The following PDZRN4 variants were observed in gnomAD, a reference collection of about 807,000 sequenced individuals.
The protein encoded by PDZRN4 is PDZ domain-containing RING finger protein 4.
A neutral mutation model predicts 99.0 loss-of-function variants in PDZRN4; 70 were observed. The observed-to-expected ratio is 0.71, with a 90% confidence interval of 0.58 to 0.86. PDZRN4 has a LOEUF of 0.86. PDZRN4 is among the 40% of genes least tolerant of loss of function. PDZRN4 has a pLI of 0.00. For missense variants in PDZRN4, 1,474 were observed against 1,331.2 expected (o/e 1.11, Z -1.67); for synonymous variants, 551 against 501.6 (o/e 1.10, Z -1.32).
chr12:41,559,184 T>TACACAC (rs10557714), intron 7 of PDZRN4, among the ~76,000 whole-genome samples: 3 of 150,012 alleles, frequency 2.0e-5, no homozygotes, highest in African/African-American at 2.5e-5. Flanking sequence ...CACACATACA[T>TACACAC]ACACACACAC....
intron 3 of PDZRN4, among the ~76,000 whole-genome samples, chr12:41,445,441 A>C (rs1025732538): frequency 1.3e-5 from 2 of 152,100 alleles, no homozygotes; most frequent in African/African-American, 2.4e-5. Context: ...ATTAAGAATA[A>C]AGATTAATTG....
chr12:41,192,799 A>T (rs905155532), intron 2 of PDZRN4, among the ~76,000 whole-genome samples: 20 of 152,228 alleles, frequency 1.3e-4, no homozygotes, highest in Non-Finnish European at 4.4e-5. Context: ...CATGAATAAT[A>T]TTCTTCATGT....
intron 3 of PDZRN4, among the ~76,000 whole-genome samples, chr12:41,443,728 G>T (rs1385729805): frequency 1.3e-5 from 2 of 152,066 alleles, no homozygotes; most frequent in Non-Finnish European, 2.9e-5. Flanking sequence ...ATAGGTATGT[G>T]GCTCTTGAGA....
At chr12:41,197,600 A>G (rs1169929283) in intron 3 of PDZRN4, among the ~76,000 whole-genome samples, 1 of 152,228 alleles carries the variant, frequency 6.6e-6, no homozygotes, top group African/African-American at 2.4e-5. Context: ...CTGAAAAGGC[A>G]GAAGATATTG....
rs373646033 is a variant in PDZRN4, at chr12:41,476,912, C to G, written c.844-29544C>G. ...TATCAGTCAAGCCAAGCTTCCTCCC[C>G]TCTTCCTCACGCTTGCATTTGTGTT... On this transcript the variant is annotated intron_variant, in intron 3 of 9. Coordinates refer to ENST00000402685, the MANE Select transcript of PDZRN4 (RefSeq NM_001164595.2). Among the ~76,000 whole-genome samples the G allele has an allele frequency of 2.0e-5, 3 of 152,340 alleles. No homozygotes were observed. In the East Asian group the frequency reaches 5.8e-4, roughly 29 times the overall value.
At chr12:41,317,570 GT>G (rs973099833) in intron 3 of PDZRN4, among the ~76,000 whole-genome samples, 7 of 152,032 alleles carry the variant, frequency 4.6e-5, no homozygotes, top group Non-Finnish European at 8.8e-5. Flanking sequence ...TCGTGAGATT[GT>G]TTTTTTCCTT....
chr12:41,547,105 C>G (rs1287133055), intron 5 of PDZRN4, among the ~76,000 whole-genome samples: 1 of 152,178 alleles, frequency 6.6e-6, no homozygotes, highest in Non-Finnish European at 1.5e-5. Flanking sequence ...CCACATGACA[C>G]TAACAAATAG....
At chr12:41,227,407 G>A (rs1951001866) in intron 3 of PDZRN4, among the ~76,000 whole-genome samples, 1 of 152,146 alleles carries the variant, frequency 6.6e-6, no homozygotes, top group South Asian at 2.1e-4. Flanking sequence ...GCTCACACCT[G>A]TAATTCCAGC....
At chr12:41,364,756 A>C (rs1270045621) in intron 3 of PDZRN4, among the ~76,000 whole-genome samples, 3 of 152,072 alleles carry the variant, frequency 2.0e-5, no homozygotes, top group East Asian at 1.9e-4. Flanking sequence ...GCCTTTGGGA[A>C]GGGGGAATAT....
intron 3 of PDZRN4, among the ~76,000 whole-genome samples, chr12:41,228,114 G>A (rs1200049111): frequency 6.6e-6 from 1 of 152,134 alleles, no homozygotes; most frequent in African/African-American, 2.4e-5. Context: ...GAATGGAAGT[G>A]ATATGGAGCC....
intron 3 of PDZRN4, among the ~76,000 whole-genome samples, chr12:41,393,532 T>G (rs1306749763): frequency 6.6e-6 from 1 of 152,138 alleles, no homozygotes; most frequent in Non-Finnish European, 1.5e-5. Context: ...TAGCTTTTCT[T>G]ATTATGCATT....
chr12:41,188,840 G>T lies in PDZRN4; in HGVS notation c.385G>T (p.Ala129Ser). Residue 129 changes from alanine to serine, a missense_variant, in exon 1 of 10, where the codon GCG (alanine) becomes TCG (serine). Transcript: ENST00000402685. ...ASGLGGGEVP[A>S]RGGCGPTPRA... ...GGGGCTGGGCGGTGGTGAGGTGCCC[G>T]CGCGGGGGGGCTGCGGTCCGACACC... 1 of 1,270,210 alleles carries T rather than the reference G, an allele frequency of 7.9e-7. No individual in the cohort carries two copies. Among genetic ancestry groups the T allele is most frequent in the Non-Finnish European group, 9.9e-7 (1 of 1,009,412 alleles). 78.7% of individuals were successfully genotyped at this position (1,270,210 alleles called of 1,614,324 possible).
chr12:41,536,726 A>C (rs1938753999), intron 5 of PDZRN4, among the ~76,000 whole-genome samples: 1 of 152,004 alleles, frequency 6.6e-6, no homozygotes, highest in African/African-American at 2.4e-5. Flanking sequence ...CTGTGAACTT[A>C]AAACTGCCTG....
chr12:41,552,741 T>C lies in PDZRN4; in HGVS notation c.1289T>C (p.Ile430Thr), dbSNP rs758646845. ...ACAGATGATGAAGAAGACACCGGCA[T>C]TTATGTCAGCGAGGTAAGAAACGCC... ...YRTDDEEDTGIYVSEVDPNSI... is the reference protein window; with the variant it reads ...YRTDDEEDTGTYVSEVDPNSI... Residue 430 changes from isoleucine to threonine, a missense_variant, in exon 6 of 10, where the codon ATT becomes ACT. Transcript: ENST00000402685. The C allele has an allele frequency of 3.1e-6, 5 of 1,613,142 alleles. No homozygotes were observed. Among genetic ancestry groups the C allele is most frequent in the South Asian group, 1.1e-5 (1 of 91,078 alleles).
intron 3 of PDZRN4, among the ~76,000 whole-genome samples, chr12:41,463,726 A>G (rs1386620672): frequency 6.6e-6 from 1 of 152,130 alleles, no homozygotes; most frequent in Non-Finnish European, 1.5e-5. Flanking sequence ...TAAAACAGAA[A>G]TTGTAGGTTA....
intron 5 of PDZRN4, among the ~76,000 whole-genome samples, chr12:41,532,614 C>A (rs1197228732): frequency 6.6e-6 from 1 of 152,060 alleles, no homozygotes. Flanking sequence ...TTTTTATTAG[C>A]TTAATTCCCA....
chr12:41,355,580 T>A (rs1371534413), intron 3 of PDZRN4, among the ~76,000 whole-genome samples: 1 of 152,112 alleles, frequency 6.6e-6, no homozygotes, highest in East Asian at 1.9e-4. Context: ...ACAAAACATT[T>A]GCATATATGC....
At chr12:41,331,519 A>G (rs1026951526) in intron 3 of PDZRN4, among the ~76,000 whole-genome samples, 6 of 152,200 alleles carry the variant, frequency 3.9e-5, no homozygotes, top group African/African-American at 7.2e-5. Flanking sequence ...AAAGGAGGGA[A>G]AAAAAGAAGC....
At chr12:41,313,952 C>T (rs543848098) in intron 3 of PDZRN4, among the ~76,000 whole-genome samples, 1 of 152,066 alleles carries the variant, frequency 6.6e-6, no homozygotes, top group Non-Finnish European at 1.5e-5. Context: ...GAGTAATGGG[C>T]TTTCAATGCC....
Sources: gnomAD v4.1 joint callset for allele counts (sites outside exome capture counted in the v4.1 genomes callset) on GRCh38, gnomAD v4.1.1 for gene constraint, MANE v1.5 for transcripts, NCBI Gene and HGNC (gene_info 2026-07-23, HGNC 2026-07-21) for gene names.